The following TMEM135 variants were observed in gnomAD, a reference collection of about 807,000 sequenced individuals.
TMEM135 encodes peroxisomal membrane protein 52.
A neutral mutation model predicts 60.3 loss-of-function variants in TMEM135; 30 were observed. The ratio of observed to expected loss-of-function variants is 0.50; its 90% CI spans 0.37 to 0.68. The LOEUF (loss-of-function observed/expected upper bound fraction) is 0.68. TMEM135 is among the 30% of genes least tolerant of loss of function. The pLI, the probability that TMEM135 is intolerant of heterozygous loss-of-function variation, is 0.00. For synonymous variants in TMEM135, 190 were observed against 186.7 expected, an observed-to-expected ratio of 1.02 and a Z score of -0.14; for missense variants, 468 against 548.8, an observed-to-expected ratio of 0.85 and a Z score of 1.47.
At chr11:87,096,133 C>A in intron 4 of TMEM135, 1 of 262,396 alleles carries the variant, frequency 3.8e-6, no homozygotes, top group Admixed American at 4.4e-5. Flanking sequence ...CCTACTTGTG[C>A]CAGTGTTGAT....
chr11:87,212,056 A>G (rs515623), intron 5 of TMEM135, among the ~76,000 whole-genome samples: 19,486 of 152,226 alleles, frequency 0.13, 1,294 homozygotes, highest in Non-Finnish European at 0.14. Context: ...AACTACTCAT[A>G]TGATTATTTA....
chr11:87,212,309 A>T (rs555217015), intron 5 of TMEM135, among the ~76,000 whole-genome samples: 1 of 152,240 alleles, frequency 6.6e-6, no homozygotes, highest in South Asian at 2.1e-4. Flanking sequence ...GAGAGTCACA[A>T]ATGGATTAAA....
chr11:87,319,291 T>C lies in TMEM135; in HGVS notation c.1177-19T>C. The C allele has an allele frequency of 6.3e-7, 1 of 1,597,164 alleles. No individual in the cohort carries two copies. Among genetic ancestry groups the C allele is most frequent in the African/African-American group, 1.3e-5 (1 of 74,680 alleles). ...TTTCATTTATATTTACTAAAAGAAT[T>C]CTCAAATTTAATACTCAGGCTGTCA... On this transcript the variant is annotated intron_variant, in intron 13 of 14. Transcript: ENST00000305494.
Position 87,275,410 on chromosome 11 carries a change from C to T in TMEM135, c.510-20372C>T, listed in dbSNP as rs146663418. Among the ~76,000 whole-genome samples the T allele has an allele frequency of 4.0e-3, 615 of 151,968 alleles. 3 individuals carry two copies. The highest frequency in any genetic ancestry group is 0.014 in the African/African-American group (586 of 41,424). ...ATCAGATGCTTATTGGTTGGGTGAC[C>T]ATATGTTCTAAGGCAAGGGCTCTTG... On this transcript the variant is annotated intron_variant, in intron 6 of 14. Coordinates refer to ENST00000305494, the MANE Select transcript of TMEM135 (RefSeq NM_022918.4).
intron 5 of TMEM135, among the ~76,000 whole-genome samples, chr11:87,159,060 G>A (rs1388136058): frequency 5.3e-5 from 8 of 152,084 alleles, no homozygotes; most frequent in South Asian, 2.1e-4. Context: ...GCATATCAAC[G>A]CATTGGATAT....
intron 5 of TMEM135, among the ~76,000 whole-genome samples, chr11:87,183,926 A>T (rs1186848610): frequency 6.9e-6 from 1 of 144,748 alleles, no homozygotes; most frequent in Non-Finnish European, 1.5e-5. Flanking sequence ...ATCACACTCC[A>T]ACTTGGGCAA....
Position 87,134,790 on chromosome 11 carries a change from A to G in TMEM135, c.397-22551A>G, listed in dbSNP as rs1024536277. Among the ~76,000 whole-genome samples, 6 of 152,132 alleles carry G rather than the reference A, an allele frequency of 3.9e-5. 1 individual carries two copies. On this transcript the variant is annotated intron_variant, in intron 4 of 14. Transcript: ENST00000305494. ...CGTGTGCAACTGCACCCAGCTGTAT[A>G]GCTTTAGTATTTTAAGAAGTGTCTA...
intron 4 of TMEM135, among the ~76,000 whole-genome samples, chr11:87,149,765 A>G (rs1234512073): frequency 1.3e-5 from 2 of 152,184 alleles, no homozygotes; most frequent in African/African-American, 2.4e-5. Context: ...AACTTTTCAC[A>G]TTTACTTATA....
rs543873891 is a variant in TMEM135 at position 87,318,567 on chromosome 11, G to T, written c.1176+332G>T. Among the ~76,000 whole-genome samples the T allele has an allele frequency of 2.6e-5, 4 of 151,876 alleles. No individual in the cohort carries two copies. In the East Asian group the frequency reaches 7.7e-4, roughly 29 times the overall value. The stretch of plus-strand genomic sequence containing the variant: ...TTTGATTAAAAAAAAAAGGATAATA[G>T]GGATATGCTGATAATAGGCATAAAT... On this transcript the variant is annotated intron_variant, in intron 13 of 14. Coordinates refer to ENST00000305494, the MANE Select transcript of TMEM135 (RefSeq NM_022918.4).
At chr11:87,057,762 G>C (rs1949906855) in intron 1 of TMEM135, among the ~76,000 whole-genome samples, 1 of 151,674 alleles carries the variant, frequency 6.6e-6, no homozygotes, top group Non-Finnish European at 1.5e-5. Flanking sequence ...TTCAGATTTA[G>C]CTTATTAGAG....
chr11:87,253,560 T>C (rs1175589395), intron 6 of TMEM135, among the ~76,000 whole-genome samples: 1 of 150,694 alleles, frequency 6.6e-6, no homozygotes, highest in Non-Finnish European at 1.5e-5. Context: ...TCTACAGTAG[T>C]TCCCAGAGGT....
intron 6 of TMEM135, among the ~76,000 whole-genome samples, chr11:87,278,239 T>A (rs1052922784): frequency 6.6e-5 from 10 of 152,246 alleles, no homozygotes; most frequent in African/African-American, 2.4e-4. Flanking sequence ...AAACCATCTT[T>A]GATTCTTTAG....
At chr11:87,072,984 T>C (rs1856799293) in intron 3 of TMEM135, among the ~76,000 whole-genome samples, 2 of 152,094 alleles carry the variant, frequency 1.3e-5, no homozygotes, top group African/African-American at 4.8e-5. Context: ...AGAGTGTGAG[T>C]AATTCTCATC....
At chr11:87,282,358 G>A (rs149586462) in intron 6 of TMEM135, among the ~76,000 whole-genome samples, 1 of 151,996 alleles carries the variant, frequency 6.6e-6, no homozygotes, top group Non-Finnish European at 1.5e-5. Context: ...TCCGCCTCCC[G>A]GGTTCAAGCG....
intron 5 of TMEM135, among the ~76,000 whole-genome samples, chr11:87,158,532 G>A (rs1938768530): frequency 2.0e-5 from 3 of 149,780 alleles, no homozygotes; most frequent in South Asian, 2.1e-4. Context: ...CATGATCTTG[G>A]CTTACTACAA....
chr11:87,267,508 A>G (rs2135407100), intron 6 of TMEM135, among the ~76,000 whole-genome samples: 1 of 152,296 alleles, frequency 6.6e-6, no homozygotes, highest in South Asian at 2.1e-4. Context: ...AAACCATTTC[A>G]CTGGAAAGGT....
At chr11:87,267,605 G>A (rs1230457976) in intron 6 of TMEM135, among the ~76,000 whole-genome samples, 1 of 152,092 alleles carries the variant, frequency 6.6e-6, no homozygotes, top group East Asian at 1.9e-4. Context: ...ATTGTTTTTT[G>A]TGATACACTA....
Position 87,326,734 on chromosome 11 carries a change from T to C in TMEM135, c.*5401T>C, listed in dbSNP as rs979923894. 7 of 447,004 alleles carry C rather than the reference T, an allele frequency of 1.6e-5. No homozygotes were observed. The highest frequency in any genetic ancestry group is 7.0e-5 in the East Asian group (1 of 14,366). 27.7% of individuals were successfully genotyped at this position (447,004 alleles called of 1,614,324 possible). The stretch of plus-strand genomic sequence containing the variant: ...ATTTTTCTATTTATTTCAGGGAAAA[T>C]TGAAGGTAAATAATATCTGCAAAGC... On this transcript the variant is annotated 3_prime_UTR_variant, in exon 15 of 15. Transcript: ENST00000305494.
chr11:87,099,406 T>C (rs1027033306), intron 4 of TMEM135, among the ~76,000 whole-genome samples: 4 of 152,004 alleles, frequency 2.6e-5, no homozygotes, highest in African/African-American at 4.8e-5. Flanking sequence ...TTACCCATTT[T>C]CCCCCAATGG....
Sources: allele counts gnomAD v4.1 joint callset (sites outside exome capture counted in the v4.1 genomes callset), GRCh38; gene constraint gnomAD v4.1.1; transcripts MANE v1.5; gene names NCBI Gene and HGNC (gene_info 2026-07-23, HGNC 2026-07-21).